PLCH2: variants seen among roughly 807,000 people sequenced by gnomAD.
The protein encoded by PLCH2 is 1-phosphatidylinositol 4,5-bisphosphate phosphodiesterase eta-2.
In PLCH2, 98 loss-of-function variants were observed where a neutral mutation model predicts 134.7. The ratio of observed to expected loss-of-function variants is 0.73; its 90% CI spans 0.62 to 0.86. The LOEUF is 0.86. PLCH2 is among the 40% of genes least tolerant of loss of function. PLCH2 has a pLI of 0.00. For missense variants in PLCH2, 1,994 were observed against 1,986.6 expected (o/e 1.00, Z -0.07); for synonymous variants, 974 against 827.5 (o/e 1.18, Z -3.04).
In PLCH2 at chr1:2,494,884, G is replaced by C. The variant is rs1019597888; in HGVS notation, c.1688G>C (p.Gly563Ala). 1.2e-6 allele frequency: 2 copies of C among 1,607,144 alleles called. No homozygotes were observed. Among genetic ancestry groups the C allele is most frequent in the African/African-American group, 2.7e-5 (2 of 74,852 alleles). The change falls in exon 12 of 22, where the codon GGG becomes GCG. Residue 563 changes from glycine to alanine, a missense_variant. Gly to Ala is a moderately conservative substitution (Grantham distance 60). This residue lies in a region of PLCH2 where 1,094 missense variants were observed against 1,234.3 expected (regional missense o/e 0.89). Coordinates refer to ENST00000378486, the MANE Select transcript of PLCH2 (RefSeq NM_014638.4). ...KSKAEEDVES[G>A]EDAGASRRNG... ...AAGGCTGAAGAGGACGTGGAGTCTG[G>C]GGAGGATGCCGGGGCCAGCAGACGC...
chr1:2,487,642 G>T lies in PLCH2; in HGVS notation c.1159G>T (p.Gly387Cys). Residue 387 changes from glycine (G) to cysteine (C), a missense_variant, in exon 8 of 22, where the codon GGC (glycine) becomes TGC (cysteine). Around this residue, in one of 2 missense-constraint regions of PLCH2, gnomAD observed 1,094 missense variants for 1,234.3 expected, o/e 0.89. Coordinates refer to ENST00000378486, the MANE Select transcript of PLCH2 (RefSeq NM_014638.4). ...GPDGEPIVHH[G>C]YTLTSKILFK... ...CGACGGGGAGCCCATTGTGCACCAT[G>T]GCTACACTCTGACTTCCAAGATCCT... is the stretch of plus-strand genomic sequence containing the variant. 6.2e-7 allele frequency: 1 copy of T among 1,613,450 alleles called. No homozygotes were observed. Among genetic ancestry groups the T allele is most frequent in the Non-Finnish European group, 8.5e-7 (1 of 1,179,810 alleles).
intron 2 of PLCH2, among the ~76,000 whole-genome samples, chr1:2,450,431 C>T (rs1640138638): frequency 1.3e-5 from 2 of 151,898 alleles, no homozygotes; most frequent in African/African-American, 2.4e-5. Context: ...GCATTCAGAA[C>T]ACAGAAAAGG....
intron 15 of PLCH2, 38 bp from the exon 16 acceptor site, chr1:2,497,464 C>G (rs1213603010): frequency 4.9e-6 from 7 of 1,436,810 alleles, no homozygotes; most frequent in Non-Finnish European, 6.7e-6. Context: ...CCTGGAAGGT[C>G]AGGTGCTGAC....
At chr1:2,485,322 C>T (rs892631329) in intron 5 of PLCH2, among the ~76,000 whole-genome samples, 11 of 152,232 alleles carry the variant, frequency 7.2e-5, no homozygotes, top group Non-Finnish European at 1.3e-4. Context: ...GCCCTGGTGG[C>T]AGGAGTTGCA....
At chr1:2,467,419 C>A (rs939359693), upstream of PLCH2, 6 of 383,214 alleles carry the variant, frequency 1.6e-5, no homozygotes, top group Non-Finnish European at 2.7e-5. Flanking sequence ...GTCCCAGCGG[C>A]GGCCCCGTCC....
Position 2,498,127 on chromosome 1 carries a change from ACTC to A in PLCH2, c.2225-393_2225-391del, listed in dbSNP as rs1642998975. ...AGCAGGCCTCCCACTAGACCAGGCTACTCCTGCTGTGGACCAGCTACTTCCACC... is the reference window on the plus strand; with the variant it reads ...AGCAGGCCTCCCACTAGACCAGGCTACTGCTGTGGACCAGCTACTTCCACC... On this transcript the variant is annotated intron_variant, in intron 16 of 21. Coordinates refer to ENST00000378486, the MANE Select transcript of PLCH2 (RefSeq NM_014638.4). The surrounding 1 kb of genome is among the most constrained non-coding windows in gnomAD (Gnocchi z 5.4). 7.9e-6 allele frequency: 2 copies of A among 253,258 alleles called. No individual in the cohort carries two copies. The highest frequency in any genetic ancestry group is 4.5e-5 in the African/African-American group (2 of 44,614). 15.7% of individuals were successfully genotyped at this position (253,258 alleles called of 1,614,324 possible).
At chr1:2,468,436 G>A (rs1313084989) in intron 1 of PLCH2, among the ~76,000 whole-genome samples, 1 of 152,244 alleles carries the variant, frequency 6.6e-6, no homozygotes, top group Non-Finnish European at 1.5e-5. Flanking sequence ...GAGCTTCCGA[G>A]GGGCATCCTG....
intron 5 of PLCH2, 28 bp from the exon 6 acceptor site, chr1:2,486,879 C>T (rs1642313642): frequency 6.4e-7 from 1 of 1,567,454 alleles, no homozygotes; most frequent in Admixed American, 1.8e-5. Context: ...GATGGGCTGC[C>T]TGGACTCATG....
chr1:2,463,156 G>C (rs1271465297), upstream of PLCH2, among the ~76,000 whole-genome samples: 1 of 152,176 alleles, frequency 6.6e-6, no homozygotes, highest in African/African-American at 2.4e-5. Flanking sequence ...AGGAGGCTGG[G>C]GTGCTCACCT....
chr1:2,498,818 GGAC>G lies in PLCH2; in HGVS notation c.2428_2430del (p.Asp810del), dbSNP rs747806063. On this transcript the variant is annotated inframe_deletion, in exon 18 of 22. Coordinates refer to ENST00000378486, the MANE Select transcript of PLCH2 (RefSeq NM_014638.4). This position sits in a 1 kb window ranked among gnomAD's most constrained non-coding sequence, Gnocchi z 5.4. ...GCAGCAGGGAGCAGACCCGCGTGGT[GGAC>G]GACAACGGTGAGGCTGGGCCGTGGC... 2 of 1,608,556 alleles carry G rather than the reference GGAC, an allele frequency of 1.2e-6. No homozygotes were observed. The highest frequency in any genetic ancestry group is 2.2e-5 in the East Asian group (1 of 44,806).
chr1:2,486,328 C>T (rs993753492), intron 5 of PLCH2, among the ~76,000 whole-genome samples: 2 of 152,214 alleles, frequency 1.3e-5, no homozygotes, highest in Non-Finnish European at 2.9e-5. Flanking sequence ...TGGGCTCCCC[C>T]ACCTGTTACC....
chr1:2,443,606 C>CCGCGCCT (rs1639792953), intron 2 of PLCH2, among the ~76,000 whole-genome samples: 1 of 34,818 alleles, frequency 2.9e-5, no homozygotes, highest in Middle Eastern at 0.016. Context: ...GCCCCGCGCC[C>CCGCGCCT]CACCTGTTCT....
chr1:2,458,402 C>G (rs1159972860), intron 2 of PLCH2, among the ~76,000 whole-genome samples: 1 of 152,188 alleles, frequency 6.6e-6, no homozygotes, highest in East Asian at 1.9e-4. Flanking sequence ...CAGCCGGGAC[C>G]CATGACACAG....
intron 11 of PLCH2, 22 bp from the exon 12 acceptor site, chr1:2,494,834 C>G: frequency 3.9e-6 from 6 of 1,555,796 alleles, no homozygotes; most frequent in Non-Finnish European, 4.4e-6. Context: ...TCACCTTGTC[C>G]CTGTCTCTCC....
chr1:2,446,852 A>C (rs896461329), intron 2 of PLCH2, among the ~76,000 whole-genome samples: 3 of 152,108 alleles, frequency 2.0e-5, no homozygotes, highest in African/African-American at 7.2e-5. Flanking sequence ...GGCTGGGCTG[A>C]GTCTGGGCTG....
rs1200381969 is a variant in PLCH2 at position 2,491,196 on chromosome 1, C to A, written c.1520C>A (p.Ser507Tyr). Residue 507 changes from serine (S) to tyrosine (Y), a missense_variant, in exon 11 of 22, where the codon TCC becomes TAC. Transcript: ENST00000378486. Reference sequence around the variant, plus strand: ...GCCGGCCTCTGGCTCCTGCAGGCATCCACCAATCGAAAGCGTGTAGAAAAC... The same window carrying A: ...GCCGGCCTCTGGCTCCTGCAGGCATACACCAATCGAAAGCGTGTAGAAAAC... ...DDCKLLNGDA[S>Y]TNRKRVENTA... 1.9e-6 allele frequency: 3 copies of A among 1,611,586 alleles called. No individual in the cohort carries two copies. The African/African-American group carries it at 4.0e-5, about 22-fold the overall frequency.
At chr1:2,442,062 G>A (rs758272516) in intron 2 of PLCH2, among the ~76,000 whole-genome samples, 4 of 152,152 alleles carry the variant, frequency 2.6e-5, no homozygotes, top group Admixed American at 6.5e-5. Context: ...CCTCGGGAGC[G>A]GAGCTGGCCC....
the PLCH2 span, among the ~76,000 whole-genome samples, chr1:2,417,806 C>T: frequency 6.6e-6 from 1 of 152,328 alleles, no homozygotes; most frequent in African/African-American, 2.4e-5. Flanking sequence ...CGGGCAGGGG[C>T]TACAGCCTCT....
At position 2,504,534 on chromosome 1, in the gene PLCH2, G is replaced by A. The variant is rs772440884; in HGVS notation, c.3572G>A (p.Arg1191His). Reference protein sequence around the residue: ...PPRPHSASAARPDLPPVTKSK... With the variant: ...PPRPHSASAAHPDLPPVTKSK... ...AGGCCCCACTCGGCTTCGGCTGCCC[G>A]CCCAGACCTGCCACCTGTGACCAAG... Residue 1191 changes from arginine (R) to histidine (H), a missense_variant, in exon 22 of 22, where the codon CGC becomes CAC. By Grantham distance (29) the Arg-to-His change is conservative (BLOSUM62 0). Coordinates refer to ENST00000378486, the MANE Select transcript of PLCH2 (RefSeq NM_014638.4). 3.5e-5 allele frequency: 56 copies of A among 1,612,538 alleles called. No homozygotes were observed. Among genetic ancestry groups the A allele is most frequent in the Non-Finnish European group, 4.5e-5 (53 of 1,179,758 alleles).
Sources: gnomAD v4.1 joint callset for allele counts (sites outside exome capture counted in the v4.1 genomes callset) on GRCh38, gnomAD v4.1.1 for gene constraint, gnomAD v4.1.1 regional missense constraint, Gnocchi (gnomAD v3.1) non-coding constraint, MANE v1.5 for transcripts, NCBI Gene and HGNC (gene_info 2026-07-23, HGNC 2026-07-21) for gene names.